ATP11C: variants seen among roughly 807,000 people sequenced by gnomAD.
ATP11C encodes ATPase phospholipid transporting 11C (ATP11C blood group).
In ATP11C, 36 loss-of-function variants were observed where a neutral mutation model predicts 97.4. That is an observed-to-expected ratio of 0.37 (90% CI 0.28 to 0.49). The LOEUF is 0.49. ATP11C is among the 20% of genes least tolerant of loss of function. The pLI, the probability that ATP11C is intolerant of heterozygous loss-of-function variation, is 0.98. For missense variants in ATP11C, 730 were observed against 824.6 expected (o/e 0.89, Z 1.40); for synonymous variants, 275 against 290.9 (o/e 0.95, Z 0.56).
chrX:139,888,942 G>A (rs1018590412), intron 1 of ATP11C, among the ~76,000 whole-genome samples: 3 of 110,110 alleles, frequency 2.7e-5, no homozygotes, highest in African/African-American at 6.6e-5. Flanking sequence ...CGAGTAGCTG[G>A]GACTATAGGC....
intron 20 of ATP11C, among the ~76,000 whole-genome samples, chrX:139,766,950 A>G (rs986480475): frequency 9.0e-6 from 1 of 111,241 alleles, no homozygotes; most frequent in South Asian, 3.8e-4. Flanking sequence ...GATGTGACAA[A>G]AGTTTTGAAA....
intron 1 of ATP11C, among the ~76,000 whole-genome samples, chrX:139,899,311 T>C (rs2148099663): frequency 9.1e-6 from 1 of 110,290 alleles, no homozygotes; most frequent in East Asian, 2.9e-4. Context: ...TGAAACCCCA[T>C]CTCTACTAAA....
At chrX:139,858,315 C>G (rs1005314535) in intron 1 of ATP11C, among the ~76,000 whole-genome samples, 5 of 112,371 alleles carry the variant, frequency 4.4e-5, no homozygotes, top group Admixed American at 9.4e-5. Context: ...CCTTTCCTTC[C>G]CTAACACTAC....
intron 1 of ATP11C, chrX:139,832,021 G>T: frequency 1.6e-6 from 1 of 643,909 alleles, no homozygotes; most frequent in Non-Finnish European, 2.3e-6. Flanking sequence ...TGAAAATCCA[G>T]CTAACCATTT....
chrX:139,781,133 T>C (rs1023976499), intron 18 of ATP11C, among the ~76,000 whole-genome samples: 30 of 111,638 alleles, frequency 2.7e-4, no homozygotes, highest in African/African-American at 9.1e-4. Flanking sequence ...TGAATTTAAT[T>C]ATAATTCTTA....
chrX:139,884,303 A>C (rs2084605694), intron 1 of ATP11C, among the ~76,000 whole-genome samples: 1 of 110,923 alleles, frequency 9.0e-6, no homozygotes, highest in Non-Finnish European at 1.9e-5. Flanking sequence ...TACTGAAACA[A>C]CCTGAAATGG....
chrX:139,743,834 G>C (rs1418303511), intron 25 of ATP11C, among the ~76,000 whole-genome samples: 1 of 111,640 alleles, frequency 9.0e-6, no homozygotes, highest in Non-Finnish European at 1.9e-5. Flanking sequence ...CACCACACCT[G>C]TGGCTGGTAG....
intron 1 of ATP11C, among the ~76,000 whole-genome samples, chrX:139,875,951 A>T (rs1191710297): frequency 8.9e-6 from 1 of 112,119 alleles, no homozygotes; most frequent in East Asian, 2.8e-4. Context: ...TTTTTCTTTG[A>T]GAAGTACTTC....
chrX:139,878,754 T>C (rs2084516976), intron 1 of ATP11C, among the ~76,000 whole-genome samples: 1 of 109,996 alleles, frequency 9.1e-6, no homozygotes, highest in Non-Finnish European at 1.9e-5. Context: ...ATTTCACCAG[T>C]GAATGGAAGA....
In ATP11C at chrX:139,846,930, CA is replaced by C. The variant is rs200723546; in HGVS notation, c.28-20108del. Reference sequence around the variant, plus strand: ...ATGGCATTTACTGAAAATGCCTGTACAAAAAAAAAAAAAAATTGTGGGACTC... The same window carrying C: ...ATGGCATTTACTGAAAATGCCTGTACAAAAAAAAAAAAAATTGTGGGACTC... On this transcript the variant is annotated intron_variant, in intron 1 of 29. Transcript: ENST00000682941. 5.3e-3 allele frequency among the ~76,000 whole-genome samples: 389 copies of C among 72,902 alleles called. 1 individual carries two copies. The highest frequency in any genetic ancestry group is 0.013 in the African/African-American group (267 of 19,897). 63.3% of individuals were successfully genotyped at this position (72,902 alleles called of 115,157 possible). A position where few individuals can be genotyped will look rare whatever the true frequency, so the allele number is the denominator to read the frequency against.
Position 139,753,037 on chromosome X carries a change from C to G in ATP11C, c.2701-2885G>C, listed in dbSNP as rs1251940521. Among the ~76,000 whole-genome samples, 5 of 111,589 alleles carry G rather than the reference C, an allele frequency of 4.5e-5. No individual in the cohort carries two copies. The Middle Eastern group carries it at 0.014, about 311-fold the overall frequency. ...ATACTGCCAAAGAGACTTCAACACCCTACTGGCAGTATGAGACAGATCACT... is the reference window on the plus strand; with the variant it reads ...ATACTGCCAAAGAGACTTCAACACCGTACTGGCAGTATGAGACAGATCACT... On this transcript the variant is annotated intron_variant, in intron 23 of 29. Transcript: ENST00000682941.
chrX:139,759,812 C>T (rs1314051652), intron 22 of ATP11C, among the ~76,000 whole-genome samples: 1 of 111,969 alleles, frequency 8.9e-6, no homozygotes, highest in Admixed American at 9.4e-5. Flanking sequence ...CATAAATAAC[C>T]ACTGGTCAAC....
At chrX:139,934,109 G>A (rs1332272797), upstream of ATP11C, among the ~76,000 whole-genome samples, 1 of 111,988 alleles carries the variant, frequency 8.9e-6, no homozygotes, top group African/African-American at 3.2e-5. Context: ...GGTAGAGGGA[G>A]AGGTCGGTGA....
In ATP11C at chrX:139,768,433, C is replaced by A. The variant is rs2082180573; in HGVS notation, c.2218G>T (p.Ala740Ser). 3 of 1,093,460 alleles carry A rather than the reference C, an allele frequency of 2.7e-6. No individual in the cohort carries two copies. The highest frequency in any genetic ancestry group is 3.7e-5 in the African/African-American group (2 of 53,469). 90.1% of individuals were successfully genotyped at this position (1,093,460 alleles called of 1,213,427 possible). A position where few individuals can be genotyped will look rare whatever the true frequency, so the allele number is the denominator to read the frequency against. The change falls in exon 20 of 30, where the codon GCA becomes TCA. Residue 740 changes from alanine to serine, a missense_variant and splice_region_variant. By Grantham distance (99) the Ala-to-Ser change is moderately conservative. Coordinates refer to ENST00000682941, the MANE Select transcript of ATP11C (RefSeq NM_001353812.2). ...CCATATTCCTGATGTTCTGTCCATG[C>A]TCTGAAAAAGAGAAACAATGCTATG... is the stretch of plus-strand genomic sequence containing the variant. ...FPKSTRSFKKAWTEHQEYGLI... is the reference protein window; with the variant it reads ...FPKSTRSFKKSWTEHQEYGLI...
intron 5 of ATP11C, among the ~76,000 whole-genome samples, chrX:139,806,990 T>A (rs2497276): frequency 0.055 from 6,111 of 110,596 alleles, 410 homozygotes; most frequent in African/African-American, 0.19. Context: ...ATCATACCAA[T>A]AACCTGGTGC....
intron 20 of ATP11C, among the ~76,000 whole-genome samples, chrX:139,766,638 T>C (rs913188248): frequency 9.0e-6 from 1 of 111,488 alleles, no homozygotes; most frequent in African/African-American, 3.3e-5. Context: ...GCGCACAGTA[T>C]ATAAAAGAAA....
chrX:139,823,702 T>A (rs1477801694), intron 2 of ATP11C, among the ~76,000 whole-genome samples: 1 of 112,112 alleles, frequency 8.9e-6, no homozygotes, highest in Non-Finnish European at 1.9e-5. Context: ...AATAATAAAG[T>A]TAGCAGTCAA....
At position 139,789,411 on chromosome X, in the gene ATP11C, G is replaced by T; in HGVS notation, c.1284C>A (p.Gly428=). The T allele has an allele frequency of 8.3e-7, 1 of 1,204,550 alleles. No homozygotes were observed. Among genetic ancestry groups the T allele is most frequent in the South Asian group, 1.8e-5 (1 of 56,068 alleles). The part of the protein sequence containing the change: ...SMEFIECCID[G]HKYKGVTQEV... ...CTTGAGTTACACCTTTATATTTGTG[G>T]CCATCTATGCAGCATTCAATGAATT... is the stretch of plus-strand genomic sequence containing the variant. Residue 428 remains glycine, a synonymous_variant, in exon 13 of 30, where the codon GGC becomes GGA. Transcript: ENST00000682941.
intron 19 of ATP11C, among the ~76,000 whole-genome samples, chrX:139,771,137 G>C (rs2082245976): frequency 9.0e-6 from 1 of 111,401 alleles, no homozygotes; most frequent in Non-Finnish European, 1.9e-5. Flanking sequence ...GGGACCCAGG[G>C]GGAGGTAACT....
Sources: gnomAD v4.1 joint callset for allele counts (sites outside exome capture counted in the v4.1 genomes callset) on GRCh38, gnomAD v4.1.1 for gene constraint, MANE v1.5 for transcripts, NCBI Gene and HGNC (gene_info 2026-07-23, HGNC 2026-07-21) for gene names.